MACROD2: variants seen among roughly 807,000 people sequenced by gnomAD.
MACROD2 encodes the protein ADP-ribose glycohydrolase MACROD2.
In MACROD2, 36 loss-of-function variants were observed where a neutral mutation model predicts 70.4. That is an observed-to-expected ratio of 0.51 (90% CI 0.39 to 0.68). The LOEUF is 0.68. Among genes scored for constraint, MACROD2 ranks in the 30% least tolerant of loss-of-function variants. The probability of loss-of-function intolerance (pLI) is 0.00; values close to 1 mark genes in which losing one functional copy is unlikely to be tolerated. For synonymous variants in MACROD2, 172 were observed against 178.8 expected, an observed-to-expected ratio of 0.96 and a Z score of 0.30; for missense variants, 496 against 538.4, an observed-to-expected ratio of 0.92 and a Z score of 0.78.
chr20:14,910,483 A>G (rs1385876686), intron 5 of MACROD2, among the ~76,000 whole-genome samples: 1 of 152,240 alleles, frequency 6.6e-6, no homozygotes, highest in Admixed American at 6.5e-5. Flanking sequence ...AGAAGTCACC[A>G]TCAAGTTTTG....
intron 4 of MACROD2, among the ~76,000 whole-genome samples, chr20:14,506,670 G>T (rs1340194941): frequency 6.6e-6 from 1 of 152,128 alleles, no homozygotes; most frequent in Admixed American, 6.5e-5. Context: ...TCATGTTCTG[G>T]CCAGGCCTGG....
At chr20:15,956,361 A>G (rs1167776703) in intron 12 of MACROD2, among the ~76,000 whole-genome samples, 1 of 152,102 alleles carries the variant, frequency 6.6e-6, no homozygotes, top group Non-Finnish European at 1.5e-5. Context: ...TAACAGTAAG[A>G]CCCACTAAAT....
chr20:14,852,154 C>T (rs957604545), intron 5 of MACROD2, among the ~76,000 whole-genome samples: 2 of 151,950 alleles, frequency 1.3e-5, no homozygotes, highest in South Asian at 4.2e-4. Flanking sequence ...GAGGAGGAAG[C>T]GCAGGAGCCA....
chr20:14,606,011 A>G (rs1982777532), intron 4 of MACROD2, among the ~76,000 whole-genome samples: 1 of 152,164 alleles, frequency 6.6e-6, no homozygotes, highest in South Asian at 2.1e-4. Flanking sequence ...GCTCTTGTGT[A>G]TATAAATCCC....
intron 5 of MACROD2, among the ~76,000 whole-genome samples, chr20:14,702,564 TACACA>T (rs2071210183): frequency 8.1e-6 from 1 of 123,752 alleles, no homozygotes; most frequent in Non-Finnish European, 1.7e-5. Context: ...TATATATATA[TACACA>T]TATATGTGTA....
chr20:15,044,013 G>A (rs563199410), intron 5 of MACROD2, among the ~76,000 whole-genome samples: 1 of 152,158 alleles, frequency 6.6e-6, no homozygotes, highest in Non-Finnish European at 1.5e-5. Flanking sequence ...ACTCCATTGT[G>A]TAGGGTTTTT....
At chr20:14,230,352 C>T (rs978756102) in intron 3 of MACROD2, among the ~76,000 whole-genome samples, 2 of 151,936 alleles carry the variant, frequency 1.3e-5, no homozygotes, top group Non-Finnish European at 2.9e-5. Flanking sequence ...TATTCTAATC[C>T]TTTGTAGTCA....
intron 5 of MACROD2, among the ~76,000 whole-genome samples, chr20:14,896,079 G>A (rs12106041): frequency 0.025 from 3,758 of 152,184 alleles, 133 homozygotes; most frequent in African/African-American, 0.083. Context: ...GGCAGATCAC[G>A]AGGCCAGGAG....
chr20:14,999,982 A>G (rs560275790), intron 5 of MACROD2, among the ~76,000 whole-genome samples: 5 of 152,352 alleles, frequency 3.3e-5, no homozygotes, highest in Admixed American at 6.5e-5. Flanking sequence ...GTTCAGGGCT[A>G]TATATCTGTA....
chr20:14,983,495 T>C lies in MACROD2; in HGVS notation c.419-246445T>C, dbSNP rs181263078. Among the ~76,000 whole-genome samples, 36 of 152,192 alleles carry C rather than the reference T, an allele frequency of 2.4e-4. No homozygotes were observed. In the East Asian group the frequency reaches 6.2e-3, roughly 26 times the overall value. On this transcript the variant is annotated intron_variant, in intron 5 of 17. Coordinates refer to ENST00000684519, the MANE Select transcript of MACROD2 (RefSeq NM_001351661.2). ...GTGGGAGGGACCTGGTGGGAGGTAA[T>C]TGAATCATGGGGGCGGGTCTTTCCT...
At chr20:14,270,603 A>AG (rs1555775525) in intron 3 of MACROD2, among the ~76,000 whole-genome samples, 1 of 151,006 alleles carries the variant, frequency 6.6e-6, no homozygotes, top group African/African-American at 2.4e-5. Flanking sequence ...AAAAAAAAAA[A>AG]GGTTTTCAAG....
intron 8 of MACROD2, among the ~76,000 whole-genome samples, chr20:15,679,819 A>G (rs556795748): frequency 5.0e-4 from 76 of 152,344 alleles, no homozygotes; most frequent in African/African-American, 1.8e-3. Context: ...TTGGGAGCAA[A>G]GAGCCCACCT....
At chr20:15,920,204 T>C (rs900129900) in intron 10 of MACROD2, among the ~76,000 whole-genome samples, 30 of 152,278 alleles carry the variant, frequency 2.0e-4, no homozygotes, top group African/African-American at 7.0e-4. Context: ...AGATCTGAAA[T>C]CACAAAATAT....
At chr20:15,476,259 G>T (rs1017913009) in intron 7 of MACROD2, among the ~76,000 whole-genome samples, 3 of 152,078 alleles carry the variant, frequency 2.0e-5, no homozygotes, top group East Asian at 1.9e-4. Context: ...CTTAAAATTT[G>T]TATTTTATAT....
intron 15 of MACROD2, among the ~76,000 whole-genome samples, chr20:16,008,765 C>A (rs79988746): frequency 6.6e-6 from 1 of 152,162 alleles, no homozygotes. Context: ...ATACTCCAAA[C>A]CAAGGGAAAA....
chr20:14,706,050 A>C (rs1386668225), intron 5 of MACROD2, among the ~76,000 whole-genome samples: 1 of 152,058 alleles, frequency 6.6e-6, no homozygotes. Context: ...GTGCAGTAGC[A>C]CATGCCTGTA....
At chr20:14,814,092 TC>T (rs1168777381) in intron 5 of MACROD2, among the ~76,000 whole-genome samples, 3 of 152,106 alleles carry the variant, frequency 2.0e-5, no homozygotes, top group African/African-American at 7.2e-5. Flanking sequence ...TTAGTATACA[TC>T]ACAATATCAT....
At chr20:15,565,569 T>C (rs1018352175) in intron 8 of MACROD2, among the ~76,000 whole-genome samples, 6 of 152,206 alleles carry the variant, frequency 3.9e-5, no homozygotes, top group Non-Finnish European at 7.4e-5. Context: ...ATATAGAAAG[T>C]AGACTTGTCA....
chr20:14,178,204 T>G (rs1474727683), intron 3 of MACROD2, among the ~76,000 whole-genome samples: 1 of 152,046 alleles, frequency 6.6e-6, no homozygotes, highest in African/African-American at 2.4e-5. Context: ...TCTAAAGAAA[T>G]CTTCTCACCA....
Sources: gnomAD v4.1 joint callset for allele counts (sites outside exome capture counted in the v4.1 genomes callset) on GRCh38, gnomAD v4.1.1 for gene constraint, MANE v1.5 for transcripts, NCBI Gene and HGNC (gene_info 2026-07-23, HGNC 2026-07-21) for gene names.